Variants in VPS33A observed in about 807,000 individuals in gnomAD.
VPS33A encodes the protein VPS33A core subunit of CORVET and HOPS complexes.
A neutral mutation model predicts 71.8 loss-of-function variants in VPS33A; 32 were observed. That is an observed-to-expected ratio of 0.45 (90% confidence interval 0.34 to 0.60). VPS33A has a LOEUF of 0.60. VPS33A is among the 20% of genes least tolerant of loss of function. The probability of loss-of-function intolerance (pLI) is 0.02; values close to 1 mark genes in which losing one functional copy is unlikely to be tolerated. For missense variants in VPS33A, 625 were observed against 748.5 expected, an observed-to-expected ratio of 0.84 and a Z score of 1.92; for synonymous variants, 311 against 292.7, an observed-to-expected ratio of 1.06 and a Z score of -0.64.
At position 122,231,921 on chromosome 12, in the gene VPS33A, GT is replaced by G. The variant is rs1409831636; in HGVS notation, c.*324del. The G allele has an allele frequency of 1.3e-5, 5 of 388,762 alleles. No homozygotes were observed. The highest frequency in any genetic ancestry group is 2.3e-5 in the Non-Finnish European group (5 of 220,780). 24.1% of individuals were successfully genotyped at this position (388,762 alleles called of 1,614,324 possible). On this transcript the variant is annotated 3_prime_UTR_variant, in exon 13 of 13. Coordinates refer to ENST00000267199, the MANE Select transcript of VPS33A (RefSeq NM_022916.6). The stretch of plus-strand genomic sequence containing the variant: ...AAAATACAAAAATTAGCCGGGTGTG[GT>G]GGTGCATGCCTGTAGTCCCAGCTAC...
chr12:122,264,733 T>C (rs1955044588), intron 1 of VPS33A: 1 of 152,108 alleles, frequency 6.6e-6, no homozygotes, highest in Admixed American at 6.6e-5. Context: ...TTCATATCCT[T>C]AGTCTAAAGA....
chr12:122,238,635 A>G lies in VPS33A; in HGVS notation c.1254T>C (p.Ser418=), dbSNP rs769104599. ...RLVCLQSVCN[S]GLKQKVLDYY... ...AATCCAAAACTTTTTGTTTGAGCCCACTATTACACACGGATTGGAGGCAAA... is the reference window on the plus strand; with the variant it reads ...AATCCAAAACTTTTTGTTTGAGCCCGCTATTACACACGGATTGGAGGCAAA... Residue 418 remains serine (S), a synonymous_variant, in exon 10 of 13, where the codon AGT becomes AGC. Coordinates refer to ENST00000267199, the MANE Select transcript of VPS33A (RefSeq NM_022916.6). 2 of 1,613,622 alleles carry G rather than the reference A, an allele frequency of 1.2e-6. No individual in the cohort carries two copies. Among genetic ancestry groups the G allele is most frequent in the Admixed American group, 1.7e-5 (1 of 59,768 alleles).
At chr12:122,259,201 GTATGTA>G (rs1592930367) in intron 4 of VPS33A, among the ~76,000 whole-genome samples, 1 of 151,000 alleles carries the variant, frequency 6.6e-6, no homozygotes. Context: ...ATGTATGTAT[GTATGTA>G]TGTATGTATG....
At position 122,242,548 on chromosome 12, in the gene VPS33A, T is replaced by C. The variant is rs61954367; in HGVS notation, c.970-40A>G. On this transcript the variant is annotated intron_variant, in intron 7 of 12. Transcript: ENST00000267199. ...AGAGCAGTGCCTCAAGCAGGGAAGA[T>C]AGTTTATTTATTTTATTTTTTTGAG... The C allele has an allele frequency of 0.067, 105,538 of 1,568,044 alleles. 4,273 individuals are homozygous for C. Among genetic ancestry groups the C allele is most frequent in the African/African-American group, 0.16 (12,038 of 73,488 alleles).
At chr12:122,234,581 C>T (rs575025984) in intron 11 of VPS33A, among the ~76,000 whole-genome samples, 5 of 152,322 alleles carry the variant, frequency 3.3e-5, no homozygotes, top group East Asian at 3.9e-4. Flanking sequence ...TGTGAGCCAC[C>T]GCGCCTGGCC....
intron 4 of VPS33A, among the ~76,000 whole-genome samples, chr12:122,254,353 C>T (rs981530613): frequency 1.3e-5 from 2 of 151,550 alleles, no homozygotes; most frequent in African/African-American, 4.8e-5. Flanking sequence ...GGATAAAGTC[C>T]TTTCTTTTTC....
intron 4 of VPS33A, among the ~76,000 whole-genome samples, chr12:122,252,233 G>A (rs1954854917): frequency 6.6e-6 from 1 of 151,910 alleles, no homozygotes; most frequent in Non-Finnish European, 1.5e-5. Flanking sequence ...CTCCCCTCTG[G>A]GCAACAGAGC....
chr12:122,265,800 T>C (rs879225559), intron 1 of VPS33A: 3 of 433,964 alleles, frequency 6.9e-6, no homozygotes, highest in South Asian at 3.2e-5. Flanking sequence ...CTGACTCCCT[T>C]GTGAAAAGGG....
intron 4 of VPS33A, among the ~76,000 whole-genome samples, chr12:122,251,381 T>G (rs1243994126): frequency 1.3e-5 from 2 of 152,222 alleles, no homozygotes; most frequent in Non-Finnish European, 2.9e-5. Flanking sequence ...CCAGCTCTTC[T>G]GAATCAGCTC....
intron 4 of VPS33A, among the ~76,000 whole-genome samples, chr12:122,259,036 T>C (rs1293072192): frequency 6.7e-6 from 1 of 148,764 alleles, no homozygotes; most frequent in Non-Finnish European, 1.5e-5. Flanking sequence ...TCCATGTGGA[T>C]ATACAACTGG....
At chr12:122,256,006 G>A (rs1367637159) in intron 4 of VPS33A, among the ~76,000 whole-genome samples, 1 of 152,018 alleles carries the variant, frequency 6.6e-6, no homozygotes, top group Non-Finnish European at 1.5e-5. Context: ...CTGTTGCCCA[G>A]GCTGGTCTCG....
chr12:122,237,534 CTTTTTTTT>C, intron 10 of VPS33A, among the ~76,000 whole-genome samples: 1 of 111,760 alleles, frequency 8.9e-6, no homozygotes, highest in East Asian at 3.0e-4. Flanking sequence ...TAAAGTTTTT[CTTTTTTTT>C]TTTTTTTTTT....
chr12:122,263,750 T>C (rs768794598), intron 2 of VPS33A, 51 bp from the exon 3 acceptor site: 24 of 1,510,860 alleles, frequency 1.6e-5, no homozygotes, highest in South Asian at 2.6e-5. Flanking sequence ...AATTTACCTA[T>C]AATTTTCAGA....
In VPS33A at chr12:122,231,785, G is replaced by C. The variant is rs1218222637; in HGVS notation, c.*461C>G. On this transcript the variant is annotated 3_prime_UTR_variant, in exon 13 of 13. Coordinates refer to ENST00000267199, the MANE Select transcript of VPS33A (RefSeq NM_022916.6). ...CTTCAGCAGATTAGGGGCCAGGCACGGTGGCTCAGGCCTGTAATCCCAGCA... is the reference window on the plus strand; with the variant it reads ...CTTCAGCAGATTAGGGGCCAGGCACCGTGGCTCAGGCCTGTAATCCCAGCA... The C allele has an allele frequency of 7.9e-6, 2 of 252,302 alleles. No individual in the cohort carries two copies. Among genetic ancestry groups the C allele is most frequent in the Admixed American group, 5.5e-5 (1 of 18,256 alleles). 15.6% of individuals were successfully genotyped at this position (252,302 alleles called of 1,614,324 possible). A position where few individuals can be genotyped will look rare whatever the true frequency, so the allele number is the denominator to read the frequency against.
At chr12:122,239,669 T>C (rs1376363683) in intron 9 of VPS33A, among the ~76,000 whole-genome samples, 2 of 146,492 alleles carry the variant, frequency 1.4e-5, no homozygotes, top group Non-Finnish European at 3.0e-5. Flanking sequence ...AGGCGGAGCT[T>C]GCAGTGAGCA....
In VPS33A at chr12:122,263,564, T is replaced by C; in HGVS notation, c.296+8A>G. 1 of 1,593,716 alleles carries C rather than the reference T, an allele frequency of 6.3e-7. No individual in the cohort carries two copies. The highest frequency in any genetic ancestry group is 8.6e-7 in the Non-Finnish European group (1 of 1,169,362). On this transcript the variant is annotated splice_region_variant and intron_variant, in intron 3 of 12. Transcript: ENST00000267199. ...ACTCTTTTGGATCAAACACAAGCTC[T>C]GAGATACCTGAGCACGTTTTCAGCG...
chr12:122,266,144 A>T (rs989486766), intron 1 of VPS33A, among the ~76,000 whole-genome samples, 163 bp downstream of exon 1: 1 of 151,974 alleles, frequency 6.6e-6, no homozygotes, highest in African/African-American at 2.4e-5. Context: ...CCCCCCCTTC[A>T]TCGCTGCCTC....
chr12:122,261,818 C>T (rs1347395859), intron 3 of VPS33A, among the ~76,000 whole-genome samples: 2 of 152,020 alleles, frequency 1.3e-5, no homozygotes, highest in Non-Finnish European at 2.9e-5. Flanking sequence ...CTGGCCAACA[C>T]GAAGAAACCA....
At position 122,250,983 on chromosome 12, in the gene VPS33A, C is replaced by T. The variant is rs1343697734; in HGVS notation, c.600G>A (p.Arg200=). ...CCACCACAAAGCAGCCGGTTCTCAC[C>T]CGAGCGCATTCTCCTTTCCCAAAGA... The part of the protein sequence containing the change: ...PQIFGKGECA[R]QVANMMIRMK... The change falls in exon 5 of 13, where the codon CGG becomes CGA. Residue 200 remains arginine (R), a splice_region_variant and synonymous_variant. Coordinates refer to ENST00000267199, the MANE Select transcript of VPS33A (RefSeq NM_022916.6). The T allele has an allele frequency of 6.2e-7, 1 of 1,612,748 alleles. No individual in the cohort carries two copies. The highest frequency in any genetic ancestry group is 1.3e-5 in the African/African-American group (1 of 74,898).
Sources: allele counts gnomAD v4.1 joint callset (sites outside exome capture counted in the v4.1 genomes callset), GRCh38; gene constraint gnomAD v4.1.1; transcripts MANE v1.5; gene names NCBI Gene and HGNC (gene_info 2026-07-23, HGNC 2026-07-21).